Variants in SLC25A21 observed in about 807,000 individuals in gnomAD.
SLC25A21 encodes solute carrier family 25 member 21, also known as mitochondrial 2-oxodicarboxylate carrier.
In SLC25A21, 47 loss-of-function variants were observed where a neutral mutation model predicts 43.8. That is an observed-to-expected ratio of 1.07 (90% CI 0.85 to 1.37). SLC25A21 has a LOEUF of 1.37. Among genes scored for constraint, SLC25A21 ranks in the 40% most tolerant of loss-of-function variants. The pLI is 0.00. For missense variants in SLC25A21, 352 were observed against 350.2 expected (o/e 1.00, Z -0.04); for synonymous variants, 131 against 121.3 (o/e 1.08, Z -0.52).
chr14:37,091,329 G>A (rs1962581306), intron 1 of SLC25A21, among the ~76,000 whole-genome samples: 2 of 151,862 alleles, frequency 1.3e-5, no homozygotes, highest in African/African-American at 2.4e-5. Context: ...AGCTACTCGG[G>A]AGGCTGAGGC....
At chr14:36,864,800 T>A (rs573662350) in intron 2 of SLC25A21, among the ~76,000 whole-genome samples, 28 of 152,292 alleles carry the variant, frequency 1.8e-4, no homozygotes, top group African/African-American at 6.3e-4. Context: ...TAGTCCTGAA[T>A]TTCTATCCAT....
intron 3 of SLC25A21, among the ~76,000 whole-genome samples, chr14:36,807,384 C>T (rs142201758): frequency 3.9e-5 from 6 of 152,238 alleles, no homozygotes; most frequent in African/African-American, 7.2e-5. Context: ...AAAGCAGCAG[C>T]AACTACTGGG....
chr14:36,958,068 ATT>A (rs34413483), intron 1 of SLC25A21, among the ~76,000 whole-genome samples: 2 of 150,140 alleles, frequency 1.3e-5, no homozygotes, highest in South Asian at 2.1e-4. Context: ...TTTGAGGCTC[ATT>A]TTTTTTTTAG....
chr14:36,951,498 G>C (rs1044746818), intron 1 of SLC25A21, among the ~76,000 whole-genome samples: 1 of 152,124 alleles, frequency 6.6e-6, no homozygotes, highest in Non-Finnish European at 1.5e-5. Flanking sequence ...TTCTAGCCAT[G>C]TTGCTGGAGC....
chr14:36,987,757 G>A (rs1029738746), intron 1 of SLC25A21, among the ~76,000 whole-genome samples: 34 of 151,864 alleles, frequency 2.2e-4, no homozygotes, highest in African/African-American at 7.7e-4. Context: ...ATCAATTTTA[G>A]TCCACACCAA....
intron 1 of SLC25A21, 197 bp downstream of exon 1, chr14:37,172,084 G>T: frequency 1.7e-6 from 1 of 571,796 alleles, no homozygotes. Flanking sequence ...AACTTTACTT[G>T]GGGCACCCAC....
intron 1 of SLC25A21, among the ~76,000 whole-genome samples, chr14:37,152,168 T>C (rs956686999): frequency 2.0e-5 from 3 of 152,274 alleles, no homozygotes; most frequent in African/African-American, 4.8e-5. Context: ...TTATTGACTA[T>C]GATAGTTAGG....
At chr14:36,844,975 A>G (rs934703506) in intron 2 of SLC25A21, among the ~76,000 whole-genome samples, 1 of 152,338 alleles carries the variant, frequency 6.6e-6, no homozygotes, top group African/African-American at 2.4e-5. Flanking sequence ...TCCAAGGGGA[A>G]GTTTTTGAAA....
chr14:36,759,350 G>C (rs1886054295), intron 3 of SLC25A21, among the ~76,000 whole-genome samples: 1 of 151,956 alleles, frequency 6.6e-6, no homozygotes, highest in South Asian at 2.1e-4. Flanking sequence ...GTTTCCTTCT[G>C]AAAAAAACAG....
chr14:37,156,771 G>C (rs900782329), intron 1 of SLC25A21, among the ~76,000 whole-genome samples: 5 of 151,974 alleles, frequency 3.3e-5, no homozygotes, highest in African/African-American at 1.2e-4. Flanking sequence ...GAAGCACCCA[G>C]ATTCATCAAG....
At chr14:36,739,280 T>C (rs2139236960) in intron 3 of SLC25A21, among the ~76,000 whole-genome samples, 1 of 152,272 alleles carries the variant, frequency 6.6e-6, no homozygotes, top group South Asian at 2.1e-4. Flanking sequence ...TTTGTGAAAG[T>C]TTTTGGGATA....
intron 2 of SLC25A21, among the ~76,000 whole-genome samples, chr14:36,836,629 C>T (rs779458885): frequency 1.4e-4 from 21 of 152,052 alleles, no homozygotes; most frequent in African/African-American, 3.4e-4. Flanking sequence ...CATGAGCCCA[C>T]GGTTGAGAAG....
In SLC25A21 at chr14:36,807,870, G is replaced by A. The variant is rs185933164; in HGVS notation, c.203+6048C>T. 6.3e-3 allele frequency among the ~76,000 whole-genome samples: 958 copies of A among 152,198 alleles called. 46 individuals carry two copies. The highest frequency in any genetic ancestry group is 0.057 in the Admixed American group (877 of 15,270). On this transcript the variant is annotated intron_variant, in intron 3 of 9. Transcript: ENST00000331299. ...CTCCTGGGGCTGTGCCATTTGTGCC[G>A]TCTGAAAGGCACTTAAATGAGTGGC...
intron 1 of SLC25A21, among the ~76,000 whole-genome samples, chr14:36,983,407 A>G (rs1342292612): frequency 2.0e-5 from 3 of 151,642 alleles, no homozygotes; most frequent in Non-Finnish European, 4.4e-5. Flanking sequence ...ATACAGCAGT[A>G]AACAAAACAG....
At chr14:36,747,447 A>T (rs1048881337) in intron 3 of SLC25A21, among the ~76,000 whole-genome samples, 4 of 152,198 alleles carry the variant, frequency 2.6e-5, no homozygotes, top group African/African-American at 9.7e-5. Flanking sequence ...ATGAATTAGT[A>T]CATTGTTGTT....
intron 1 of SLC25A21, among the ~76,000 whole-genome samples, chr14:36,962,980 A>T (rs1313864723): frequency 1.3e-5 from 2 of 152,110 alleles, no homozygotes; most frequent in Non-Finnish European, 2.9e-5. Flanking sequence ...GTGGGTTAGA[A>T]CCCTTTGTAT....
In SLC25A21 at chr14:36,956,482, G is replaced by A. The variant is rs773695327; in HGVS notation, c.71-81478C>T. Among the ~76,000 whole-genome samples, 4 of 152,136 alleles carry A rather than the reference G, an allele frequency of 2.6e-5. 1 individual carries two copies. Among genetic ancestry groups the A allele is most frequent in the Admixed American group, 1.3e-4 (2 of 15,278 alleles). ...ATACCAAATAACATCAGGCCAATGT[G>A]GTGGAATGTTTTTTCTAAAAAGCAG... On this transcript the variant is annotated intron_variant, in intron 1 of 9. Coordinates refer to ENST00000331299, the MANE Select transcript of SLC25A21 (RefSeq NM_030631.4).
intron 2 of SLC25A21, among the ~76,000 whole-genome samples, chr14:36,819,559 G>T (rs778607491): frequency 3.3e-5 from 5 of 152,080 alleles, no homozygotes; most frequent in Non-Finnish European, 5.9e-5. Flanking sequence ...AGATATGCCT[G>T]TAAGAAATAA....
intron 1 of SLC25A21, among the ~76,000 whole-genome samples, chr14:36,962,125 A>G (rs1330463464): frequency 2.0e-5 from 3 of 152,152 alleles, no homozygotes; most frequent in African/African-American, 7.2e-5. Flanking sequence ...TTTTCCTCAC[A>G]TATAAATTAT....
Sources: allele counts gnomAD v4.1 joint callset (sites outside exome capture counted in the v4.1 genomes callset), GRCh38; gene constraint gnomAD v4.1.1; transcripts MANE v1.5; gene names NCBI Gene and HGNC (gene_info 2026-07-23, HGNC 2026-07-21).